The following C2orf15 variants were observed in gnomAD, a reference collection of about 807,000 sequenced individuals.
C2orf15 encodes the protein uncharacterized protein C2orf15.
A neutral mutation model predicts 4.4 loss-of-function variants in C2orf15; 3 were observed. The observed-to-expected ratio is 0.67, with a 90% CI of 0.31 to 1.74. The LOEUF (loss-of-function observed/expected upper bound fraction) is 1.74, where lower values mean the gene tolerates loss of function less well. C2orf15 is among the 40% of genes most tolerant of loss of function. C2orf15 has a pLI of 0.09. For synonymous variants in C2orf15, 37 were observed against 36.8 expected (o/e 1.00, Z -0.02); for missense variants, 90 against 103.3 (o/e 0.87, Z 0.56).
intron 3 of C2orf15, among the ~76,000 whole-genome samples, chr2:99,147,797 GTATC>G (rs34532676): frequency 0.51 from 76,788 of 151,420 alleles, 21,349 homozygotes; most frequent in Middle Eastern, 0.7. Flanking sequence ...CTGTATCTAT[GTATC>G]TATCTATCTA....
intron 2 of C2orf15, among the ~76,000 whole-genome samples, chr2:99,144,765 CACTA>C (rs1398211302): frequency 1.3e-5 from 2 of 151,516 alleles, no homozygotes; most frequent in African/African-American, 4.8e-5. Flanking sequence ...GGCCCCATGT[CACTA>C]ACTATCCTCA....
chr2:99,150,647 A>T lies in C2orf15; in HGVS notation c.89A>T (p.Glu30Val). 1 of 1,614,080 alleles carries T rather than the reference A, an allele frequency of 6.2e-7. No homozygotes were observed. Among genetic ancestry groups the T allele is most frequent in the Non-Finnish European group, 8.5e-7 (1 of 1,179,960 alleles). The change falls in exon 4 of 4, where the codon GAA (glutamate) becomes GTA (valine). Residue 30 changes from glutamate (E) to valine (V), a missense_variant. By Grantham distance (121) the Glu-to-Val change is moderately radical. Transcript: ENST00000650052. ...KVDDHLIRGT[E>V]KSRLEPATQL... ...GATGATCACTTAATACGAGGGACTG[A>T]AAAAAGCAGGTTGGAACCAGCGACT...
intron 3 of C2orf15, among the ~76,000 whole-genome samples, chr2:99,148,929 T>C (rs1244272248): frequency 6.6e-6 from 1 of 152,048 alleles, no homozygotes; most frequent in Non-Finnish European, 1.5e-5. Flanking sequence ...CTTAAAAGTG[T>C]TTAAAATGGT....
intron 3 of C2orf15, among the ~76,000 whole-genome samples, chr2:99,148,952 T>A (rs184501147): frequency 6.6e-5 from 10 of 152,038 alleles, no homozygotes; most frequent in African/African-American, 2.4e-4. Context: ...ATGTTATATA[T>A]ATTTTACCAC....
At chr2:99,146,111 C>T (rs940573876) in intron 2 of C2orf15, among the ~76,000 whole-genome samples, 2 of 152,122 alleles carry the variant, frequency 1.3e-5, no homozygotes, top group African/African-American at 2.4e-5. Context: ...GGCGAAACAT[C>T]GTCTCTACTA....
chr2:99,144,917 CAA>C (rs890706151), intron 2 of C2orf15, among the ~76,000 whole-genome samples: 26 of 152,248 alleles, frequency 1.7e-4, no homozygotes, highest in Admixed American at 1.3e-3. Flanking sequence ...TCGAATAAGG[CAA>C]AGAGACAGGA....
rs751952255 is a variant in C2orf15, at chr2:99,147,484, G to C, written c.-86G>C. The C allele has an allele frequency of 3.1e-6, 5 of 1,613,828 alleles. No homozygotes were observed. The South Asian group carries it at 5.5e-5, about 18-fold the overall frequency. On this transcript the variant is annotated 5_prime_UTR_variant, in exon 3 of 4. Transcript: ENST00000650052. ...TCACCCTTCATGTCCTCAACTCTGG[G>C]GAAGTTAAGGTAAGACTCACAGGGC...
chr2:99,143,220 C>A (rs1160459304), intron 2 of C2orf15, among the ~76,000 whole-genome samples: 1 of 147,550 alleles, frequency 6.8e-6, no homozygotes, highest in Non-Finnish European at 1.5e-5. Flanking sequence ...CGGCTCACTG[C>A]AACCTCCGCC....
intron 3 of C2orf15, among the ~76,000 whole-genome samples, chr2:99,149,785 C>CT (rs70940143): frequency 0.015 from 1,719 of 112,294 alleles, 48 homozygotes; most frequent in African/African-American, 0.043. Flanking sequence ...TCACAAGTAT[C>CT]TTTTTTTTTT....
chr2:99,142,362 G>C lies in C2orf15; in HGVS notation c.-208G>C, dbSNP rs2093576080. ...AGAACGCTGTGTATTTCAAGAGTAA[G>C]CTCTCGTTTGAGGAGACTAACAATT... is the stretch of plus-strand genomic sequence containing the variant. On this transcript the variant is annotated 5_prime_UTR_variant, in exon 2 of 4. Coordinates refer to ENST00000650052, the MANE Select transcript of C2orf15 (RefSeq NM_144706.4). 1 of 152,198 alleles carries C rather than the reference G, an allele frequency of 6.6e-6. No homozygotes were observed. The highest frequency in any genetic ancestry group is 1.5e-5 in the Non-Finnish European group (1 of 68,040). The allele number at this position is 152,198 out of a possible 1,614,324, so 9.4% of individuals were successfully genotyped here.
At chr2:99,146,464 G>T (rs183656379) in intron 2 of C2orf15, among the ~76,000 whole-genome samples, 8 of 145,166 alleles carry the variant, frequency 5.5e-5, no homozygotes, top group Admixed American at 1.4e-4. Flanking sequence ...TCATTGAATA[G>T]AAATTCTCAA....
chr2:99,145,963 C>G (rs1224770818), intron 2 of C2orf15, among the ~76,000 whole-genome samples: 3 of 152,046 alleles, frequency 2.0e-5, no homozygotes, highest in Admixed American at 2.0e-4. Flanking sequence ...GACACCCTGT[C>G]TCTACAAAAA....
Position 99,141,842 on chromosome 2 carries a change from G to T in C2orf15, c.-381G>T, listed in dbSNP as rs2105111800. 1 of 152,548 alleles carries T rather than the reference G, an allele frequency of 6.6e-6. No individual in the cohort carries two copies. Among genetic ancestry groups the T allele is most frequent in the Non-Finnish European group, 1.5e-5 (1 of 68,130 alleles). 9.4% of individuals were successfully genotyped at this position (152,548 alleles called of 1,614,324 possible). ...CCGGTTACTCTCAGAGCTGCTTTCG[G>T]GCGCAGCTCCTGCTGCAGCCAGGGC... On this transcript the variant is annotated 5_prime_UTR_variant, in exon 1 of 4. Transcript: ENST00000650052.
chr2:99,147,161 GT>G (rs529557495), intron 2 of C2orf15: 5 of 300,290 alleles, frequency 1.7e-5, no homozygotes, highest in East Asian at 1.1e-4. Flanking sequence ...ATATCTTTTT[GT>G]TTTTTTTAAT....
chr2:99,146,461 A>G (rs2093633137), intron 2 of C2orf15, among the ~76,000 whole-genome samples: 1 of 148,682 alleles, frequency 6.7e-6, no homozygotes, highest in African/African-American at 2.5e-5. Context: ...TTTTCATTGA[A>G]TAGAAATTCT....
At chr2:99,145,914 T>C (rs892495287) in intron 2 of C2orf15, among the ~76,000 whole-genome samples, 3 of 152,024 alleles carry the variant, frequency 2.0e-5, no homozygotes. Context: ...GGAGGATTGC[T>C]TGAGTACAGG....
In C2orf15 at chr2:99,150,583, G is replaced by A; in HGVS notation, c.25G>A (p.Ala9Thr). 6.2e-7 allele frequency: 1 copy of A among 1,612,866 alleles called. No individual in the cohort carries two copies. Among genetic ancestry groups the A allele is most frequent in the Non-Finnish European group, 8.5e-7 (1 of 1,179,530 alleles). MGFSLSKS[A>T]TQVSAIHMDS... ...AATGGGATTTTCACTTAGTAAATCT[G>A]CTACTCAGGTATCTGCTATACATAT... Residue 9 changes from alanine to threonine, a missense_variant, in exon 4 of 4, where the codon GCT becomes ACT. Coordinates refer to ENST00000650052, the MANE Select transcript of C2orf15 (RefSeq NM_144706.4).
intron 3 of C2orf15, among the ~76,000 whole-genome samples, chr2:99,149,597 C>G (rs1222844208): frequency 5.3e-5 from 8 of 151,334 alleles, no homozygotes; most frequent in Non-Finnish European, 1.0e-4. Flanking sequence ...TGCCCGCCAC[C>G]ACGCCCGGCT....
chr2:99,147,261 A>G (rs2093641892), intron 2 of C2orf15, 141 bp from the exon 3 acceptor site: 1 of 479,484 alleles, frequency 2.1e-6, no homozygotes. Context: ...TTGGCCTCCC[A>G]AAGTGCTGGA....
Sources: gnomAD v4.1 joint callset for allele counts (sites outside exome capture counted in the v4.1 genomes callset) on GRCh38, gnomAD v4.1.1 for gene constraint, MANE v1.5 for transcripts, NCBI Gene and HGNC (gene_info 2026-07-23, HGNC 2026-07-21) for gene names.